Variants in TFEC observed in about 807,000 individuals in gnomAD.
TFEC encodes the protein class E basic helix-loop-helix protein 34.
TFEC carries 31 observed loss-of-function variants against 41.6 expected under a neutral mutation model. The ratio of observed to expected loss-of-function variants is 0.74; its 90% CI spans 0.56 to 1.01. The LOEUF (loss-of-function observed/expected upper bound fraction) is 1.01, where lower values mean the gene tolerates loss of function less well. Among genes scored for constraint, TFEC ranks in the 50% least tolerant of loss-of-function variants. TFEC has a pLI of 0.00. For missense variants in TFEC, 402 were observed against 404.1 expected (o/e 0.99, Z 0.04); for synonymous variants, 143 against 140.6 (o/e 1.02, Z -0.12).
intron 3 of TFEC, among the ~76,000 whole-genome samples, chr7:116,061,651 G>C (rs1017081972): frequency 6.7e-6 from 1 of 149,572 alleles, no homozygotes; most frequent in African/African-American, 2.5e-5. Context: ...ACACTGTTGA[G>C]AGAATGAAAA....
chr7:116,077,207 T>TTG (rs1461544415), intron 3 of TFEC, among the ~76,000 whole-genome samples: 1 of 152,158 alleles, frequency 6.6e-6, no homozygotes, highest in African/African-American at 2.4e-5. Context: ...GATACAGTCT[T>TTG]TTCCAGACAA....
chr7:116,108,567 T>G (rs1392791299), intron 3 of TFEC, among the ~76,000 whole-genome samples: 1 of 152,150 alleles, frequency 6.6e-6, no homozygotes, highest in Admixed American at 6.6e-5. Context: ...AAATATAGTA[T>G]TAAAATTAGA....
chr7:116,018,764 T>C (rs2130845924), intron 1 of TFEC, among the ~76,000 whole-genome samples: 1 of 152,304 alleles, frequency 6.6e-6, no homozygotes, highest in Middle Eastern at 3.4e-3. Context: ...GTACCAAATA[T>C]ACCAAATGGA....
At chr7:116,098,155 T>C (rs1797513221) in intron 3 of TFEC, among the ~76,000 whole-genome samples, 7 of 152,044 alleles carry the variant, frequency 4.6e-5, no homozygotes, top group Admixed American at 4.6e-4. Context: ...TATGCAAACA[T>C]TAACTTTTTT....
chr7:116,057,741 T>A (rs900608601), intron 3 of TFEC, among the ~76,000 whole-genome samples: 2 of 151,734 alleles, frequency 1.3e-5, no homozygotes, highest in East Asian at 3.8e-4. Flanking sequence ...AACGAAAAAA[T>A]AGCAGAAACT....
chr7:116,025,356 C>A (rs1469413742), intron 1 of TFEC, among the ~76,000 whole-genome samples: 1 of 151,944 alleles, frequency 6.6e-6, no homozygotes, highest in African/African-American at 2.4e-5. Context: ...GATGAAGGGC[C>A]TCAAAGGAAA....
intron 1 of TFEC, among the ~76,000 whole-genome samples, chr7:116,147,600 T>G (rs957222453): frequency 1.0e-4 from 14 of 135,602 alleles, no homozygotes; most frequent in African/African-American, 3.9e-4. Context: ...TTCCCCTTCC[T>G]GTGTCCAAGT....
At chr7:116,001,957 T>A (rs1794615805) in intron 1 of TFEC, among the ~76,000 whole-genome samples, 1 of 152,016 alleles carries the variant, frequency 6.6e-6, no homozygotes, top group South Asian at 2.1e-4. Context: ...GAAATGCAAA[T>A]CCAAAACTAC....
chr7:116,000,516 G>T (rs1794549423), intron 1 of TFEC, among the ~76,000 whole-genome samples: 1 of 152,094 alleles, frequency 6.6e-6, no homozygotes, highest in Non-Finnish European at 1.5e-5. Context: ...TGTGTTTGCA[G>T]ATTAAATGAT....
chr7:116,152,231 A>G (rs2116470185), intron 1 of TFEC, among the ~76,000 whole-genome samples: 1 of 152,350 alleles, frequency 6.6e-6, no homozygotes, highest in Non-Finnish European at 1.5e-5. Flanking sequence ...AAACATATGA[A>G]ACAATTTTCC....
intron 1 of TFEC, among the ~76,000 whole-genome samples, chr7:116,020,549 T>G (rs2130852534): frequency 6.6e-6 from 1 of 152,266 alleles, no homozygotes; most frequent in Middle Eastern, 3.4e-3. Flanking sequence ...AAGGGCTTCT[T>G]TGCTAAAAAC....
rs1793201700 is a variant in TFEC, at chr7:115,935,798, G to A, written c.*4753C>T. On this transcript the variant is annotated 3_prime_UTR_variant, in exon 8 of 8. Transcript: ENST00000265440. ...GTCTTTACTGTTATTCTTTATGCCT[G>A]TTGGATAATGTAAGAAAAAGACATT... 6.6e-6 allele frequency: 1 copy of A among 151,532 alleles called. No homozygotes were observed. The highest frequency in any genetic ancestry group is 1.5e-5 in the Non-Finnish European group (1 of 67,568). 9.4% of individuals were successfully genotyped at this position (151,532 alleles called of 1,614,324 possible).
chr7:115,987,478 G>A (rs1324266164), intron 1 of TFEC, among the ~76,000 whole-genome samples: 2 of 152,158 alleles, frequency 1.3e-5, no homozygotes, highest in Non-Finnish European at 2.9e-5. Flanking sequence ...GAAATTATAG[G>A]TTGCCATTGT....
chr7:116,155,838 C>T (rs7802674), intron 1 of TFEC, among the ~76,000 whole-genome samples: 35,139 of 152,056 alleles, frequency 0.23, 4,526 homozygotes, highest in African/African-American at 0.35. Context: ...AAATGCCCTG[C>T]TTTTCCCCAG....
chr7:116,002,977 G>A (rs1299980675), intron 1 of TFEC, among the ~76,000 whole-genome samples: 2 of 151,928 alleles, frequency 1.3e-5, no homozygotes, highest in East Asian at 3.8e-4. Context: ...ACCACAAAAG[G>A]CGAAAAAAGA....
Position 116,050,353 on chromosome 7 carries a change from A to G in TFEC, c.198+60355T>C, listed in dbSNP as rs539062986. Among the ~76,000 whole-genome samples the G allele has an allele frequency of 3.9e-5, 6 of 152,290 alleles. No individual in the cohort carries two copies. The East Asian group carries it at 1.2e-3, about 29-fold the overall frequency. ...ACTACCATCAGAGAATACTATAAAC[A>G]CCTCTATGCAAATGAACTAGAGAAT... On this transcript the variant is annotated intron_variant, in intron 3 of 8. Coordinates refer to the TFEC transcript ENST00000484212.
intron 3 of TFEC, among the ~76,000 whole-genome samples, chr7:116,089,339 A>C (rs1045405173): frequency 6.6e-6 from 1 of 152,176 alleles, no homozygotes; most frequent in Admixed American, 6.6e-5. Context: ...TAGCCAATGA[A>C]AGATTTTTAG....
chr7:116,059,478 T>A (rs1446699575), intron 3 of TFEC, among the ~76,000 whole-genome samples: 1 of 151,782 alleles, frequency 6.6e-6, no homozygotes, highest in Non-Finnish European at 1.5e-5. Flanking sequence ...AGCGTCTTCT[T>A]CCCCCACTCA....
chr7:115,998,148 T>A (rs1449154854), intron 1 of TFEC, among the ~76,000 whole-genome samples: 1 of 151,962 alleles, frequency 6.6e-6, no homozygotes, highest in Non-Finnish European at 1.5e-5. Context: ...AAGGCTACCT[T>A]AAGACATTTA....
Sources: gnomAD v4.1 joint callset for allele counts (sites outside exome capture counted in the v4.1 genomes callset) on GRCh38, gnomAD v4.1.1 for gene constraint, MANE v1.5 for transcripts, NCBI Gene and HGNC (gene_info 2026-07-23, HGNC 2026-07-21) for gene names.